Variants in SPMIP2 observed in about 807,000 individuals in gnomAD.
SPMIP2 encodes the protein protein SPMIP2.
At chr4:159,033,234 T>C in the SPMIP2 span, among the ~76,000 whole-genome samples, 87 of 151,494 alleles carry the variant, frequency 5.7e-4, no homozygotes, top group Non-Finnish European at 1.1e-3. Context: ...CTCTGTGACA[T>C]TCAAGAAAAG....
At chr4:159,073,444 G>A in the SPMIP2 span, among the ~76,000 whole-genome samples, 3 of 152,196 alleles carry the variant, frequency 2.0e-5, no homozygotes, top group South Asian at 2.1e-4. Flanking sequence ...GTGAGCCACC[G>A]CACCTGGCTG....
the SPMIP2 span, among the ~76,000 whole-genome samples, chr4:159,057,182 T>C: frequency 6.6e-6 from 1 of 152,208 alleles, no homozygotes; most frequent in Non-Finnish European, 1.5e-5. Context: ...GAACTATCAT[T>C]AAAATGATCA....
the SPMIP2 span, among the ~76,000 whole-genome samples, chr4:159,045,259 A>T: frequency 2.6e-5 from 4 of 152,204 alleles, no homozygotes; most frequent in African/African-American, 9.6e-5. Context: ...AATTTGTCTA[A>T]TTACTATAAA....
the SPMIP2 span, among the ~76,000 whole-genome samples, chr4:158,918,080 C>G: frequency 6.6e-6 from 1 of 152,182 alleles, no homozygotes; most frequent in Non-Finnish European, 1.5e-5. Context: ...GTCTCTCTTT[C>G]TACAAATTCA....
the SPMIP2 span, among the ~76,000 whole-genome samples, chr4:159,028,986 T>C: frequency 2.6e-5 from 4 of 152,064 alleles, no homozygotes; most frequent in Non-Finnish European, 2.9e-5. Flanking sequence ...TCTCAGCTAC[T>C]CGAGAGGCTA....
the SPMIP2 span, among the ~76,000 whole-genome samples, chr4:158,918,140 G>A: frequency 6.6e-6 from 1 of 152,180 alleles, no homozygotes; most frequent in Non-Finnish European, 1.5e-5. Context: ...TGGCTCCCCA[G>A]TGCCATTACC....
the SPMIP2 span, among the ~76,000 whole-genome samples, chr4:159,061,889 G>A: frequency 9.2e-5 from 14 of 152,050 alleles, no homozygotes; most frequent in Admixed American, 5.2e-4. Context: ...TGGGAAAACT[G>A]CGAATGTCTT....
chr4:158,918,298 C>T, the SPMIP2 span, among the ~76,000 whole-genome samples: 1 of 152,344 alleles, frequency 6.6e-6, no homozygotes, highest in East Asian at 1.9e-4. Context: ...CTTTCCGCTC[C>T]TGCCAGGCAG....
chr4:158,983,125 G>C, the SPMIP2 span, among the ~76,000 whole-genome samples: 5 of 152,242 alleles, frequency 3.3e-5, no homozygotes, highest in East Asian at 9.7e-4. Flanking sequence ...AGAATAAAAG[G>C]AGACGAACAA....
chr4:158,922,227 C>T, the SPMIP2 span, among the ~76,000 whole-genome samples: 1 of 152,106 alleles, frequency 6.6e-6, no homozygotes, highest in Non-Finnish European at 1.5e-5. Context: ...TTGTCTATAA[C>T]CAATCTCCCA....
At chr4:158,936,972 G>A in the SPMIP2 span, among the ~76,000 whole-genome samples, 864 of 152,282 alleles carry the variant, frequency 5.7e-3, 10 homozygotes, top group African/African-American at 0.02. Flanking sequence ...GGTACTATAA[G>A]GCATGATCAC....
the SPMIP2 span, chr4:158,904,525 T>G: frequency 6.2e-7 from 1 of 1,613,088 alleles, no homozygotes; most frequent in Non-Finnish European, 8.5e-7. Flanking sequence ...TCTCCTTATG[T>G]GGCTCAAATA....
At chr4:159,054,748 T>A in the SPMIP2 span, among the ~76,000 whole-genome samples, 1 of 152,212 alleles carries the variant, frequency 6.6e-6, no homozygotes, top group Non-Finnish European at 1.5e-5. Flanking sequence ...CTTCTCCTGC[T>A]TGCCTCTGTC....
the SPMIP2 span, among the ~76,000 whole-genome samples, chr4:159,057,284 TTTAATA>T: frequency 6.6e-6 from 1 of 152,230 alleles, no homozygotes; most frequent in East Asian, 1.9e-4. Flanking sequence ...TGACTGCCCT[TTTAATA>T]TATCTGGCAA....
At chr4:158,945,589 C>T in the SPMIP2 span, among the ~76,000 whole-genome samples, 1 of 152,176 alleles carries the variant, frequency 6.6e-6, no homozygotes, top group Non-Finnish European at 1.5e-5. Context: ...AGCACCCTTG[C>T]AAGGACTCTT....
the SPMIP2 span, among the ~76,000 whole-genome samples, chr4:159,032,231 T>C: frequency 7.2e-4 from 109 of 151,958 alleles, no homozygotes; most frequent in African/African-American, 2.6e-3. Context: ...AAAAAAAAAA[T>C]TGTTGGGCTT....
chr4:159,022,125 C>A, the SPMIP2 span, among the ~76,000 whole-genome samples: 1 of 152,236 alleles, frequency 6.6e-6, no homozygotes, highest in Admixed American at 6.5e-5. Flanking sequence ...GTCTGGAAAT[C>A]CCTAAAAGAA....
the SPMIP2 span, among the ~76,000 whole-genome samples, chr4:158,939,736 C>T: frequency 3.2e-4 from 48 of 152,164 alleles, no homozygotes; most frequent in African/African-American, 1.0e-3. Flanking sequence ...CCAGAACTTT[C>T]GGAGGCCGAG....
At chr4:159,043,555 G>T in the SPMIP2 span, among the ~76,000 whole-genome samples, 3 of 152,108 alleles carry the variant, frequency 2.0e-5, no homozygotes, top group Non-Finnish European at 4.4e-5. Context: ...CACTGTGTTA[G>T]CCAGGATGGT....
Sources: gnomAD v4.1 joint callset for allele counts (sites outside exome capture counted in the v4.1 genomes callset) on GRCh38, gnomAD v4.1.1 for gene constraint, MANE v1.5 for transcripts, NCBI Gene and HGNC (gene_info 2026-07-23, HGNC 2026-07-21) for gene names.